ARAP2: variants seen among roughly 807,000 people sequenced by gnomAD.
ARAP2 encodes ArfGAP with RhoGAP domain, ankyrin repeat and PH domain 2.
In ARAP2, 148 loss-of-function variants were observed where a neutral mutation model predicts 194.5. The observed-to-expected ratio is 0.76, with a 90% CI of 0.67 to 0.87. The LOEUF is 0.87. Among genes scored for constraint, ARAP2 ranks in the 40% least tolerant of loss-of-function variants. The pLI is 0.00. For missense variants in ARAP2, 2,128 were observed against 1,989.7 expected (o/e 1.07, Z -1.32); for synonymous variants, 695 against 683.5 (o/e 1.02, Z -0.26).
At chr4:36,160,378 T>C (rs556117329) in intron 13 of ARAP2, 81 bp downstream of exon 13, 2 of 1,320,036 alleles carry the variant, frequency 1.5e-6, no homozygotes, top group Non-Finnish European at 2.0e-6. Context: ...AGTATAAAAT[T>C]TTTTACTTTT....
intron 29 of ARAP2, among the ~76,000 whole-genome samples, chr4:36,083,126 G>C (rs1262301992): frequency 6.6e-6 from 1 of 152,008 alleles, no homozygotes; most frequent in Non-Finnish European, 1.5e-5. Flanking sequence ...ACTTTACACA[G>C]AGAGATTGCA....
chr4:36,216,961 T>C (rs1439236861), intron 2 of ARAP2, among the ~76,000 whole-genome samples: 1 of 152,192 alleles, frequency 6.6e-6, no homozygotes, highest in East Asian at 1.9e-4. Context: ...GGTATAGCCA[T>C]TATATTCTTA....
chr4:36,112,123 C>T (rs1185817351), intron 26 of ARAP2, among the ~76,000 whole-genome samples: 1 of 151,930 alleles, frequency 6.6e-6, no homozygotes, highest in Non-Finnish European at 1.5e-5. Context: ...GAACCACAAT[C>T]CATATCACTC....
At chr4:36,129,663 C>G (rs909525899) in intron 20 of ARAP2, among the ~76,000 whole-genome samples, 1 of 151,752 alleles carries the variant, frequency 6.6e-6, no homozygotes, top group Non-Finnish European at 1.5e-5. Flanking sequence ...TTTTTCTGCT[C>G]AACTAATACT....
rs1174105899 is a variant in ARAP2, at chr4:36,147,378, G to C, written c.3200-19C>G. 1.2e-6 allele frequency: 2 copies of C among 1,611,200 alleles called. No individual in the cohort carries two copies. Among genetic ancestry groups the C allele is most frequent in the East Asian group, 4.5e-5 (2 of 44,806 alleles). ...CTGATTGCTGAAGGGAGAATGAAAA[G>C]CAAAAATTTATTTTTTAAAACACTG... is the stretch of plus-strand genomic sequence containing the variant. On this transcript the variant is annotated intron_variant, in intron 18 of 32. Coordinates refer to ENST00000303965, the MANE Select transcript of ARAP2 (RefSeq NM_015230.4).
intron 2 of ARAP2, among the ~76,000 whole-genome samples, chr4:36,227,411 G>A (rs774224507): frequency 2.3e-4 from 35 of 152,276 alleles, no homozygotes; most frequent in Non-Finnish European, 2.6e-4. Flanking sequence ...TCAAGATAAA[G>A]ACAAATTAAT....
intron 10 of ARAP2, chr4:36,006,571 G>A (rs919909596): frequency 1.3e-5 from 2 of 152,042 alleles, no homozygotes; most frequent in African/African-American, 4.8e-5. Context: ...TGTTCTTTGT[G>A]ACAATTTGAG....
intron 6 of ARAP2, among the ~76,000 whole-genome samples, chr4:36,197,669 G>A (rs1743416795): frequency 6.6e-6 from 1 of 152,228 alleles, no homozygotes; most frequent in South Asian, 2.1e-4. Flanking sequence ...GTGGAGCAGT[G>A]AGGGGTGTGT....
chr4:36,065,680 C>G (rs1725286466), downstream of ARAP2: 1 of 166,588 alleles, frequency 6.0e-6, no homozygotes, highest in Non-Finnish European at 1.3e-5. Flanking sequence ...ACACTTGTGC[C>G]AGTCCCTTGG....
intron 27 of ARAP2, among the ~76,000 whole-genome samples, chr4:36,097,907 G>C (rs962500490): frequency 3.9e-5 from 6 of 151,984 alleles, no homozygotes; most frequent in Non-Finnish European, 8.8e-5. Context: ...AACATGTATT[G>C]TAAGTTATAC....
intron 2 of ARAP2, among the ~76,000 whole-genome samples, chr4:36,223,399 T>C (rs1749576418): frequency 6.6e-6 from 1 of 152,138 alleles, no homozygotes. Flanking sequence ...AGAGGAAATC[T>C]GCAGATGTTC....
At chr4:36,158,927 A>C (rs1733249032) in intron 14 of ARAP2, 63 bp from the exon 15 acceptor site, 2 of 1,472,764 alleles carry the variant, frequency 1.4e-6, no homozygotes, top group Admixed American at 2.3e-5. Context: ...CCTTTTGTTT[A>C]TAATATGTAC....
chr4:36,149,320 C>T (rs1055475598), intron 16 of ARAP2, among the ~76,000 whole-genome samples: 3 of 146,448 alleles, frequency 2.0e-5, no homozygotes, highest in Admixed American at 6.9e-5. Context: ...TCCAGTCAGT[C>T]ATTTAATCTT....
Position 36,164,922 on chromosome 4 carries a change from T to G in ARAP2, c.2165A>C (p.Lys722Thr). Residue 722 changes from lysine to threonine, a missense_variant, in exon 11 of 33, where the codon AAG (lysine) becomes ACG (threonine). By Grantham distance (78) the Lys-to-Thr change is moderately conservative (BLOSUM62 -1). Coordinates refer to ENST00000303965, the MANE Select transcript of ARAP2 (RefSeq NM_015230.4). ...SINLCVVICK[K>T]CAGQHRSLGP... ...AACTTGTCACTAATTACCTGCACAC[T>G]TCTTACAGATGACAACACAGAGATT... 1 of 1,614,016 alleles carries G rather than the reference T, an allele frequency of 6.2e-7. No homozygotes were observed. The highest frequency in any genetic ancestry group is 2.2e-5 in the East Asian group (1 of 44,882).
chr4:36,031,763 G>A (rs1057061168), intron 5 of ARAP2, among the ~76,000 whole-genome samples: 1 of 151,502 alleles, frequency 6.6e-6, no homozygotes, highest in Non-Finnish European at 1.5e-5. Context: ...CTGCCTCCCA[G>A]GTTCAAGTGA....
intron 15 of ARAP2, among the ~76,000 whole-genome samples, chr4:36,156,193 A>T (rs910026131): frequency 2.0e-5 from 3 of 151,462 alleles, no homozygotes; most frequent in African/African-American, 4.9e-5. Flanking sequence ...GAAGCAGGAT[A>T]ATTACTTGAA....
intron 8 of ARAP2, among the ~76,000 whole-genome samples, chr4:36,180,354 T>A (rs1273381203): frequency 6.6e-6 from 1 of 152,210 alleles, no homozygotes; most frequent in Non-Finnish European, 1.5e-5. Context: ...TCCCTAGCAT[T>A]GTTATACATC....
Position 36,107,624 on chromosome 4 carries a change from C to T in ARAP2, c.4226G>A (p.Gly1409Asp), listed in dbSNP as rs749355960. Residue 1409 changes from glycine (G) to aspartate (D), a missense_variant, in exon 27 of 33, where the codon GGC becomes GAC. Coordinates refer to ENST00000303965, the MANE Select transcript of ARAP2 (RefSeq NM_015230.4). ...TCTCTTCACCACCAGGTAAGCAGAG[C>T]CAGGTTCAGCTAATGAACTCCACCG... The part of the protein sequence containing the change: ...VLRWSSLAEP[G>D]SAYLVVKRFL... 7 of 1,610,896 alleles carry T rather than the reference C, an allele frequency of 4.3e-6. No homozygotes were observed. The South Asian group carries it at 6.6e-5, about 15-fold the overall frequency.
intron 1 of ARAP2, among the ~76,000 whole-genome samples, chr4:36,240,150 A>AT (rs150011360): frequency 0.021 from 3,205 of 152,292 alleles, 71 homozygotes; most frequent in African/African-American, 0.052. Context: ...AACAAGTAAA[A>AT]ATTTAAGATA....
Sources: gnomAD v4.1 joint callset for allele counts (sites outside exome capture counted in the v4.1 genomes callset) on GRCh38, gnomAD v4.1.1 for gene constraint, MANE v1.5 for transcripts, NCBI Gene and HGNC (gene_info 2026-07-23, HGNC 2026-07-21) for gene names.